The following CD302 variants were observed in gnomAD, a reference collection of about 807,000 sequenced individuals.
CD302 encodes CD302 antigen.
Under a neutral mutation model 26.5 loss-of-function variants are expected in CD302, and 23 were observed. The ratio of observed to expected loss-of-function variants is 0.87; its 90% CI spans 0.62 to 1.23. The LOEUF is 1.23. Ranked by LOEUF, CD302 falls within the 50% of genes most tolerant of loss-of-function variation. CD302 has a pLI of 0.00. For missense variants in CD302, 290 were observed against 275.5 expected (o/e 1.05, Z -0.37); for synonymous variants, 90 against 99.4 (o/e 0.91, Z 0.56).
intron 1 of CD302, among the ~76,000 whole-genome samples, chr2:159,790,184 C>G (rs78450058): frequency 0.054 from 8,155 of 152,224 alleles, 319 homozygotes; most frequent in Middle Eastern, 0.092. Flanking sequence ...GTCTTCTACA[C>G]TTGAAGTGGT....
chr2:159,787,158 T>G (rs567420083), intron 1 of CD302, among the ~76,000 whole-genome samples: 35 of 152,338 alleles, frequency 2.3e-4, no homozygotes, highest in Non-Finnish European at 4.6e-4. Context: ...TTTGTAGAAG[T>G]AGATTGCTGG....
In CD302 at chr2:159,791,822, G is replaced by T. The variant is rs563220285; in HGVS notation, c.67+6310C>A. Among the ~76,000 whole-genome samples, 5 of 152,312 alleles carry T rather than the reference G, an allele frequency of 3.3e-5. No individual in the cohort carries two copies. In the East Asian group the frequency reaches 9.6e-4, roughly 29 times the overall value. ...TCTGAGGGGGTGCTGTTAAAAAATT[G>T]TGCAAGGTGCTTGAGATTCCACAGT... On this transcript the variant is annotated intron_variant, in intron 1 of 5. Transcript: ENST00000259053.
chr2:159,775,029 C>A (rs1486467621), intron 5 of CD302, among the ~76,000 whole-genome samples: 5 of 152,204 alleles, frequency 3.3e-5, no homozygotes, highest in South Asian at 2.1e-4. Context: ...GAGGCCTTCC[C>A]TGGCCACTGT....
Position 159,770,167 on chromosome 2 carries a change from A to G in CD302, c.*1684T>C, listed in dbSNP as rs1708089931. 1 of 152,112 alleles carries G rather than the reference A, an allele frequency of 6.6e-6. No individual in the cohort carries two copies. Among genetic ancestry groups the G allele is most frequent in the Non-Finnish European group, 1.5e-5 (1 of 68,022 alleles). 9.4% of individuals were successfully genotyped at this position (152,112 alleles called of 1,614,324 possible). On this transcript the variant is annotated 3_prime_UTR_variant, in exon 6 of 6. Coordinates refer to ENST00000259053, the MANE Select transcript of CD302 (RefSeq NM_014880.5). ...CTGTAGTTCTTCAAGGAGTGGTACA[A>G]TTTGGGTAGGAAAACCAGGCAGGAA...
intron 1 of CD302, among the ~76,000 whole-genome samples, chr2:159,790,008 C>T (rs1315771994): frequency 1.3e-5 from 2 of 152,190 alleles, no homozygotes; most frequent in Non-Finnish European, 2.9e-5. Flanking sequence ...TGTTAGTCTC[C>T]TACTCCATGA....
intron 3 of CD302, 25 bp downstream of exon 3, chr2:159,780,857 G>A (rs368457921): frequency 5.1e-5 from 81 of 1,595,912 alleles, no homozygotes; most frequent in African/African-American, 2.8e-4. Flanking sequence ...ACAAAGTCAC[G>A]TCCCACGAGG....
In CD302 at chr2:159,780,111, A is replaced by C. The variant is rs201544040; in HGVS notation, c.363T>G (p.Asp121Glu). The C allele has an allele frequency of 6.2e-6, 10 of 1,613,922 alleles. No homozygotes were observed. The highest frequency in any genetic ancestry group is 2.2e-5 in the East Asian group (1 of 44,888). The change falls in exon 4 of 6, where the codon GAT becomes GAG. Residue 121 changes from aspartate to glutamate, a missense_variant. Transcript: ENST00000259053. ...AAGCACAGGTGTCAACTAAATCCTC[A>C]TCATCATCTTGGTCTGTCCACTTAT... ...TFDKWTDQDD[D>E]EDLVDTCAFL...
intron 4 of CD302, among the ~76,000 whole-genome samples, chr2:159,779,741 C>T (rs548825056): frequency 5.3e-4 from 81 of 152,126 alleles, no homozygotes; most frequent in African/African-American, 1.8e-3. Flanking sequence ...GTATTTCGGA[C>T]CGCAGGTGCA....
chr2:159,798,091 G>A, intron 1 of CD302, 41 bp downstream of exon 1: 1 of 1,486,166 alleles, frequency 6.7e-7, no homozygotes, highest in South Asian at 1.2e-5. Context: ...GGGCGAAGGC[G>A]GTCGCGCACG....
chr2:159,785,318 T>C (rs1399421485), intron 1 of CD302, among the ~76,000 whole-genome samples: 1 of 152,114 alleles, frequency 6.6e-6, no homozygotes. Context: ...TCCAGCTGTT[T>C]TATGAGCACT....
At chr2:159,784,759 C>T (rs1304423968) in intron 1 of CD302, among the ~76,000 whole-genome samples, 1 of 152,096 alleles carries the variant, frequency 6.6e-6, no homozygotes, top group Non-Finnish European at 1.5e-5. Context: ...ATTCAACACT[C>T]TCAAGTTTAC....
At chr2:159,783,548 A>G in intron 1 of CD302, 79 bp from the exon 2 acceptor site, 1 of 1,121,944 alleles carries the variant, frequency 8.9e-7, no homozygotes, top group African/African-American at 1.6e-5. Flanking sequence ...AGGATATTAG[A>G]TACTAAATTT....
intron 5 of CD302, among the ~76,000 whole-genome samples, chr2:159,776,848 G>GGCGCCCGCCACC (rs1708348065): frequency 6.6e-6 from 1 of 152,014 alleles, no homozygotes; most frequent in Admixed American, 6.6e-5. Flanking sequence ...CGGGATTACA[G>GGCGCCCGCCACC]GCGCCCGCCA....
At chr2:159,783,655 G>A (rs1013125200) in intron 1 of CD302, among the ~76,000 whole-genome samples, 186 bp from the exon 2 acceptor site, 8 of 152,096 alleles carry the variant, frequency 5.3e-5, no homozygotes, top group South Asian at 2.1e-4. Context: ...TTATTCATAC[G>A]GGAAAAGAGA....
intron 5 of CD302, among the ~76,000 whole-genome samples, chr2:159,776,860 C>T (rs112237911): frequency 0.014 from 2,134 of 152,210 alleles, 49 homozygotes; most frequent in African/African-American, 0.048. Context: ...CGCCCGCCAC[C>T]GTGCCCGGCT....
intron 5 of CD302, among the ~76,000 whole-genome samples, chr2:159,776,250 C>G (rs1708320352): frequency 3.9e-5 from 6 of 151,968 alleles, no homozygotes; most frequent in Admixed American, 3.9e-4. Flanking sequence ...AAATGATACT[C>G]AGTTGTATGT....
chr2:159,797,222 T>G (rs866107372), intron 1 of CD302, among the ~76,000 whole-genome samples: 284 of 104,404 alleles, frequency 2.7e-3, no homozygotes, highest in Middle Eastern at 4.9e-3. Context: ...GGGCAAGGGG[T>G]GGGGGGGGGG....
At chr2:159,778,090 G>T in intron 4 of CD302, 126 bp from the exon 5 acceptor site, 1 of 343,762 alleles carries the variant, frequency 2.9e-6, no homozygotes. Flanking sequence ...TATATTCATA[G>T]CCTAAAATCC....
intron 1 of CD302, among the ~76,000 whole-genome samples, chr2:159,796,969 A>T (rs1252561417): frequency 6.6e-6 from 1 of 152,198 alleles, no homozygotes; most frequent in Non-Finnish European, 1.5e-5. Flanking sequence ...GCTTTGTCTT[A>T]GACAAAATTA....
Sources: gnomAD v4.1 joint callset for allele counts (sites outside exome capture counted in the v4.1 genomes callset) on GRCh38, gnomAD v4.1.1 for gene constraint, MANE v1.5 for transcripts, NCBI Gene and HGNC (gene_info 2026-07-23, HGNC 2026-07-21) for gene names.